Variants in HEATR5A observed in about 807,000 individuals in gnomAD.
HEATR5A encodes HEAT repeat containing 5A, also known as HEAT repeat-containing protein 5A.
HEATR5A carries 178 observed loss-of-function variants against 218.8 expected under a neutral mutation model. That is an observed-to-expected ratio of 0.81 (90% confidence interval 0.72 to 0.92). The LOEUF (loss-of-function observed/expected upper bound fraction) is 0.92. Ranked by LOEUF, HEATR5A falls within the 40% of genes least tolerant of loss-of-function variation. The pLI is 0.00. For missense variants in HEATR5A, 2,420 were observed against 2,418.9 expected (o/e 1.00, Z -0.01); for synonymous variants, 864 against 871.6 (o/e 0.99, Z 0.15).
At chr14:31,340,498 A>C in intron 21 of HEATR5A, 1 of 1,283,784 alleles carries the variant, frequency 7.8e-7, no homozygotes, top group Non-Finnish European at 1.0e-6. Flanking sequence ...CAAATGACAC[A>C]CCAGTCATGA....
At chr14:31,401,936 T>A (rs1433850297) in intron 2 of HEATR5A, among the ~76,000 whole-genome samples, 1 of 152,242 alleles carries the variant, frequency 6.6e-6, no homozygotes, top group African/African-American at 2.4e-5. Flanking sequence ...ATTATAAAGC[T>A]AATGGTATTC....
chr14:31,392,375 CCTTCTCA>C (rs2030487566), intron 6 of HEATR5A, among the ~76,000 whole-genome samples: 2 of 152,204 alleles, frequency 1.3e-5, no homozygotes, highest in East Asian at 3.9e-4. Flanking sequence ...TTCTTTCCTG[CCTTCTCA>C]CTGGAAATTT....
intron 26 of HEATR5A, among the ~76,000 whole-genome samples, chr14:31,316,352 C>T (rs1409208152): frequency 6.6e-6 from 1 of 152,008 alleles, no homozygotes; most frequent in Admixed American, 6.6e-5. Context: ...CTTGTGAGTT[C>T]AGCAGAGCTC....
At chr14:31,393,967 G>A in intron 6 of HEATR5A, 85 bp downstream of exon 6, 6 of 896,820 alleles carry the variant, frequency 6.7e-6, no homozygotes, top group Non-Finnish European at 9.7e-6. Context: ...TTTATAACGG[G>A]TAGCAATAAC....
At chr14:31,366,656 T>A (rs1399550939) in intron 13 of HEATR5A, among the ~76,000 whole-genome samples, 1 of 152,170 alleles carries the variant, frequency 6.6e-6, no homozygotes, top group Non-Finnish European at 1.5e-5. Context: ...AAATCTTTTA[T>A]CAGGATAAAA....
At chr14:31,406,178 AC>A (rs1595182756) in intron 1 of HEATR5A, among the ~76,000 whole-genome samples, 1 of 152,024 alleles carries the variant, frequency 6.6e-6, no homozygotes, top group African/African-American at 2.4e-5. Context: ...AATAACCACA[AC>A]CCTACATATA....
chr14:31,420,107 G>T (rs2031595351), intron 1 of HEATR5A: 1 of 152,382 alleles, frequency 6.6e-6, no homozygotes, highest in South Asian at 2.1e-4. Context: ...TTCCCCACAC[G>T]CCCGGCAACC....
At chr14:31,344,431 A>G (rs1308026419) in intron 20 of HEATR5A, among the ~76,000 whole-genome samples, 2 of 151,586 alleles carry the variant, frequency 1.3e-5, no homozygotes, top group African/African-American at 4.8e-5. Context: ...GGCGCACACC[A>G]CCATGCCTGG....
At chr14:31,393,717 G>A (rs930847811) in intron 6 of HEATR5A, among the ~76,000 whole-genome samples, 1 of 151,968 alleles carries the variant, frequency 6.6e-6, no homozygotes, top group African/African-American at 2.4e-5. Flanking sequence ...GTGCAGTGGC[G>A]CAATCTCAGC....
At chr14:31,400,031 A>G (rs1948130302) in intron 3 of HEATR5A, among the ~76,000 whole-genome samples, 1 of 152,238 alleles carries the variant, frequency 6.6e-6, no homozygotes, top group African/African-American at 2.4e-5. Context: ...AGAATTTAAA[A>G]TATCTTTCTT....
chr14:31,406,193 G>A (rs1057188134), intron 1 of HEATR5A, among the ~76,000 whole-genome samples: 2 of 152,112 alleles, frequency 1.3e-5, no homozygotes, highest in Non-Finnish European at 2.9e-5. Flanking sequence ...ACATATACCT[G>A]AGAAATGCTT....
At chr14:31,332,987 A>G (rs769379678) in intron 22 of HEATR5A, among the ~76,000 whole-genome samples, 1,514 of 48,754 alleles carry the variant, frequency 0.031, 11 homozygotes, top group South Asian at 0.062. Flanking sequence ...CTCCATCTCA[A>G]AAAAAAAAAA....
At chr14:31,357,284 G>A (rs1023515412) in intron 16 of HEATR5A, among the ~76,000 whole-genome samples, 1 of 152,184 alleles carries the variant, frequency 6.6e-6, no homozygotes, top group Admixed American at 6.5e-5. Context: ...ACCTGTTTCA[G>A]AGAGGTGTTG....
chr14:31,305,278 T>C (rs1426970359), intron 31 of HEATR5A, 101 bp from the exon 32 acceptor site: 27 of 1,270,084 alleles, frequency 2.1e-5, no homozygotes, highest in Non-Finnish European at 1.7e-5. Context: ...ATTTTATTTT[T>C]TTGAGACAGA....
chr14:31,361,526 A>G (rs1263043147), intron 14 of HEATR5A, among the ~76,000 whole-genome samples: 3 of 152,186 alleles, frequency 2.0e-5, no homozygotes, highest in Non-Finnish European at 4.4e-5. Flanking sequence ...TCCTATGGCT[A>G]TGTGTGAAAA....
chr14:31,320,366 A>T, intron 25 of HEATR5A: 1 of 917,518 alleles, frequency 1.1e-6, no homozygotes, highest in Non-Finnish European at 1.8e-6. Context: ...CAAGCTGCCA[A>T]ACACCGCTCC....
Position 31,387,143 on chromosome 14 carries a change from A to G in HEATR5A, c.1166T>C (p.Ile389Thr). The G allele has an allele frequency of 1.2e-6, 2 of 1,614,028 alleles. No homozygotes were observed. The highest frequency in any genetic ancestry group is 1.7e-6 in the Non-Finnish European group (2 of 1,179,886). ...LAAVKDICQAIWKLKKVMDAV... is the reference protein window; with the variant it reads ...LAAVKDICQATWKLKKVMDAV... ...ACCCATAACTTTCTTTAGCTTCCAGATGGCCTGGCAAATATCCTTTACAGC... is the reference window on the plus strand; with the variant it reads ...ACCCATAACTTTCTTTAGCTTCCAGGTGGCCTGGCAAATATCCTTTACAGC... The change falls in exon 8 of 36, where the codon ATC (isoleucine) becomes ACC (threonine). Residue 389 changes from isoleucine to threonine, a missense_variant. By Grantham distance (89) the Ile-to-Thr change is moderately conservative. Coordinates refer to ENST00000543095, the MANE Select transcript of HEATR5A (RefSeq NM_015473.4).
At chr14:31,309,549 A>C (rs891068619) in intron 28 of HEATR5A, among the ~76,000 whole-genome samples, 22 of 152,320 alleles carry the variant, frequency 1.4e-4, no homozygotes, top group Middle Eastern at 3.4e-3. Context: ...GGGCTGATCT[A>C]CTTTTAACTT....
chr14:31,324,542 A>C (rs1391845629), intron 23 of HEATR5A, among the ~76,000 whole-genome samples: 1 of 152,218 alleles, frequency 6.6e-6, no homozygotes, highest in African/African-American at 2.4e-5. Flanking sequence ...TTTTCCTGAG[A>C]AGGTATGGAG....
Sources: allele counts gnomAD v4.1 joint callset (sites outside exome capture counted in the v4.1 genomes callset), GRCh38; gene constraint gnomAD v4.1.1; transcripts MANE v1.5; gene names NCBI Gene and HGNC (gene_info 2026-07-23, HGNC 2026-07-21).